Variants in BIN2 observed in about 807,000 individuals in gnomAD.
The protein encoded by BIN2 is bridging integrator 2, also known as breast cancer associated protein BRAP1.
In BIN2, 43 loss-of-function variants were observed where a neutral mutation model predicts 67.9. The observed-to-expected ratio is 0.63, with a 90% CI of 0.50 to 0.82. The LOEUF is 0.82. BIN2 is among the 40% of genes least tolerant of loss of function. The pLI, the probability that BIN2 is intolerant of heterozygous loss-of-function variation, is 0.00. For synonymous variants in BIN2, 244 were observed against 246.8 expected (o/e 0.99, Z 0.11); for missense variants, 581 against 671.6 (o/e 0.87, Z 1.49).
In BIN2 at chr12:51,288,169, T is replaced by C. The variant is rs1175531822; in HGVS notation, c.1535A>G (p.Glu512Gly). The C allele has an allele frequency of 6.2e-7, 1 of 1,613,864 alleles. No individual in the cohort carries two copies. Among genetic ancestry groups the C allele is most frequent in the Non-Finnish European group, 8.5e-7 (1 of 1,179,854 alleles). ...TTCCTTGTCTTCCATCTTCTTTGCCTCTCCAGGCTCTGAAGCAACCTGTGA... is the reference window on the plus strand; with the variant it reads ...TTCCTTGTCTTCCATCTTCTTTGCCCCTCCAGGCTCTGAAGCAACCTGTGA... ...MTSQVASEPG[E>G]AKKMEDKEKD... The change falls in exon 11 of 13, where the codon GAG (glutamate) becomes GGG (glycine). Residue 512 changes from glutamate to glycine, a missense_variant. Transcript: ENST00000615107.
intron 2 of BIN2, among the ~76,000 whole-genome samples, chr12:51,310,906 A>T (rs1945975979): frequency 6.6e-6 from 1 of 151,922 alleles, no homozygotes; most frequent in Admixed American, 6.6e-5. Flanking sequence ...ATACAGGAGC[A>T]CACCACCATG....
chr12:51,306,067 G>A (rs147078349), intron 2 of BIN2, among the ~76,000 whole-genome samples: 19,020 of 151,568 alleles, frequency 0.13, 1,292 homozygotes, highest in East Asian at 0.22. Context: ...CGATCTCCTG[G>A]CCTCGTGATC....
At position 51,295,392 on chromosome 12, in the gene BIN2, CAAAAA is replaced by C. The variant is rs1178848004; in HGVS notation, c.761+399_761+403del. Among the ~76,000 whole-genome samples, 874 of 91,748 alleles carry C rather than the reference CAAAAA, an allele frequency of 9.5e-3. 5 individuals carry two copies. The highest frequency in any genetic ancestry group is 0.017 in the African/African-American group (415 of 24,002). 60.2% of individuals were successfully genotyped at this position (91,748 alleles called of 152,430 possible). A position where few individuals can be genotyped will look rare whatever the true frequency, so the allele number is the denominator to read the frequency against. The stretch of plus-strand genomic sequence containing the variant: ...TGAAACGCCATCTCTACTAAAAATA[CAAAAA>C]AAAAAAAAAAAAAAAATGAGCCGGG... On this transcript the variant is annotated intron_variant, in intron 9 of 12. Coordinates refer to ENST00000615107, the MANE Select transcript of BIN2 (RefSeq NM_016293.4).
At chr12:51,322,337 C>T (rs1191707037) in intron 1 of BIN2, among the ~76,000 whole-genome samples, 2 of 152,164 alleles carry the variant, frequency 1.3e-5, no homozygotes, top group African/African-American at 4.8e-5. Context: ...TGACGAGAGG[C>T]TAGATGAAGA....
chr12:51,299,900 G>A (rs1352368947), intron 5 of BIN2, among the ~76,000 whole-genome samples, 186 bp from the exon 6 acceptor site: 1 of 151,832 alleles, frequency 6.6e-6, no homozygotes, highest in Non-Finnish European at 1.5e-5. Context: ...GTGCAGTTGT[G>A]CGATCTCAGC....
upstream of BIN2, chr12:51,324,415 C>G (rs189114235): frequency 3.6e-6 from 5 of 1,406,638 alleles, no homozygotes; most frequent in African/African-American, 5.9e-5. Context: ...CACACTCACT[C>G]GCTCCGGAAA....
chr12:51,295,608 ATATATATATATATATATATATATT>A (rs1945542578), intron 9 of BIN2, among the ~76,000 whole-genome samples, 164 bp downstream of exon 9: 2 of 57,450 alleles, frequency 3.5e-5, no homozygotes, highest in South Asian at 5.5e-4. Flanking sequence ...ATATATATAT[ATATATATATATATATATATATATT>A]TAGTAAAAAG....
In BIN2 at chr12:51,302,086, C is replaced by T. The variant is rs1387398340; in HGVS notation, c.342G>A (p.Glu114=). Residue 114 remains glutamate, a synonymous_variant, in exon 5 of 13, where the codon GAG becomes GAA. Transcript: ENST00000615107. ...TTACAGCCTGGTCAGCCAGTTTCTC[C>T]TCGTAGTCTTCCCAAAGGAGATCAT... The part of the protein sequence containing the change: ...WNNDLLWEDY[E]EKLADQAVRT... The T allele has an allele frequency of 3.1e-6, 5 of 1,613,310 alleles. No individual in the cohort carries two copies. The African/African-American group carries it at 6.7e-5, about 22-fold the overall frequency.
chr12:51,297,247 G>A, intron 7 of BIN2, 83 bp from the exon 8 acceptor site: 2 of 1,318,830 alleles, frequency 1.5e-6, no homozygotes, highest in Non-Finnish European at 2.2e-6. Flanking sequence ...TAGGACTTAA[G>A]CCAAAACCAG....
At chr12:51,298,032 G>T (rs1945616982) in intron 7 of BIN2, among the ~76,000 whole-genome samples, 1 of 151,118 alleles carries the variant, frequency 6.6e-6, no homozygotes, top group Non-Finnish European at 1.5e-5. Context: ...GATCACCTGA[G>T]GTCAGGAGTT....
chr12:51,305,542 T>G (rs1001059807), intron 2 of BIN2, among the ~76,000 whole-genome samples: 10 of 150,576 alleles, frequency 6.6e-5, no homozygotes, highest in Admixed American at 6.6e-4. Context: ...GAGAATCACT[T>G]GAACCCAGGA....
chr12:51,292,188 C>G lies in BIN2; in HGVS notation c.918G>C (p.Gly306=). Residue 306 remains glycine (G), a synonymous_variant, in exon 10 of 13, where the codon GGG becomes GGC. Coordinates refer to ENST00000615107, the MANE Select transcript of BIN2 (RefSeq NM_016293.4). ...TEDLAPDAAQ[G]EDNSEIKELL... ...GCTCCTTGATCTCAGAATTGTCTTCCCCTTGGGCTGCATCAGGTGCCAGAT... is the reference window on the plus strand; with the variant it reads ...GCTCCTTGATCTCAGAATTGTCTTCGCCTTGGGCTGCATCAGGTGCCAGAT... The G allele has an allele frequency of 6.2e-7, 1 of 1,613,096 alleles. No homozygotes were observed. The highest frequency in any genetic ancestry group is 8.5e-7 in the Non-Finnish European group (1 of 1,179,982).
upstream of BIN2, chr12:51,324,227 C>G (rs1946373426): frequency 6.8e-7 from 1 of 1,462,048 alleles, no homozygotes; most frequent in Non-Finnish European, 9.0e-7. Context: ...CACCTCAGGC[C>G]GCCCCTGGCC....
intron 1 of BIN2, among the ~76,000 whole-genome samples, chr12:51,319,719 A>G (rs989307566): frequency 2.0e-5 from 3 of 152,128 alleles, no homozygotes; most frequent in African/African-American, 4.8e-5. Flanking sequence ...TTGATTATTT[A>G]TAACTTTTCT....
At chr12:51,323,947 C>T in intron 1 of BIN2, 75 bp downstream of exon 1, 1 of 1,576,698 alleles carries the variant, frequency 6.3e-7, no homozygotes, top group South Asian at 1.2e-5. Flanking sequence ...CCTGCCCGCC[C>T]CTCCTGCCCG....
chr12:51,286,178 T>C (rs1294907792), intron 11 of BIN2, among the ~76,000 whole-genome samples: 1 of 152,210 alleles, frequency 6.6e-6, no homozygotes, highest in East Asian at 1.9e-4. Context: ...TACCCATTTT[T>C]ACATGTGACA....
At chr12:51,301,773 G>T (rs1244167692) in intron 5 of BIN2, among the ~76,000 whole-genome samples, 1 of 152,022 alleles carries the variant, frequency 6.6e-6, no homozygotes, top group Non-Finnish European at 1.5e-5. Flanking sequence ...GCCTCCCAAA[G>T]TACTGGGATT....
intron 9 of BIN2, among the ~76,000 whole-genome samples, chr12:51,293,498 G>C (rs919177380): frequency 2.6e-5 from 4 of 152,014 alleles, no homozygotes; most frequent in African/African-American, 9.7e-5. Context: ...ATTTTTAGTA[G>C]AGATGGGGTT....
intron 1 of BIN2, 81 bp from the exon 2 acceptor site, chr12:51,313,984 G>A: frequency 1.1e-6 from 1 of 917,226 alleles, no homozygotes. Context: ...CCTGGCTTCA[G>A]TCAAGAATCT....
Sources: allele counts gnomAD v4.1 joint callset (sites outside exome capture counted in the v4.1 genomes callset), GRCh38; gene constraint gnomAD v4.1.1; transcripts MANE v1.5; gene names NCBI Gene and HGNC (gene_info 2026-07-23, HGNC 2026-07-21).